DGKB: variants seen among roughly 807,000 people sequenced by gnomAD.
The protein encoded by DGKB is diacylglycerol kinase beta.
A neutral mutation model predicts 114.3 loss-of-function variants in DGKB; 67 were observed. That is an observed-to-expected ratio of 0.59 (90% CI 0.48 to 0.72). The LOEUF (loss-of-function observed/expected upper bound fraction) is 0.72. Ranked by LOEUF, DGKB falls within the 30% of genes least tolerant of loss-of-function variation. The probability of loss-of-function intolerance (pLI) is 0.00; values close to 1 mark genes in which losing one functional copy is unlikely to be tolerated. For synonymous variants in DGKB, 398 were observed against 323.1 expected (o/e 1.23, Z -2.49); for missense variants, 907 against 975.2 (o/e 0.93, Z 0.93).
At chr7:14,423,272 T>C (rs1466783740) in intron 21 of DGKB, among the ~76,000 whole-genome samples, 1 of 152,072 alleles carries the variant, frequency 6.6e-6, no homozygotes, top group Non-Finnish European at 1.5e-5. Flanking sequence ...TTAAACTTAC[T>C]ACATACCTTG....
At chr7:14,170,201 G>GAAAGAAAGAAAGAAAT (rs1554272246) in intron 25 of DGKB, among the ~76,000 whole-genome samples, 3 of 142,676 alleles carry the variant, frequency 2.1e-5, no homozygotes, top group Non-Finnish European at 4.6e-5. Flanking sequence ...AAGAAAGAAA[G>GAAAGAAAGAAAGAAAT]AAATACATTA....
intron 20 of DGKB, among the ~76,000 whole-genome samples, chr7:14,499,680 G>A (rs1476725750): frequency 6.6e-6 from 1 of 151,762 alleles, no homozygotes; most frequent in African/African-American, 2.4e-5. Context: ...ATAATGAGCT[G>A]GTGGCAGAGC....
intron 4 of DGKB, among the ~76,000 whole-genome samples, chr7:14,752,990 G>A (rs144086671): frequency 6.6e-6 from 1 of 152,120 alleles, no homozygotes. Flanking sequence ...CTCTGAAATG[G>A]AGGCTAGTAA....
intron 23 of DGKB, among the ~76,000 whole-genome samples, chr7:14,323,496 A>G (rs1032012576): frequency 1.3e-5 from 2 of 152,196 alleles, no homozygotes; most frequent in Non-Finnish European, 2.9e-5. Flanking sequence ...ATGGGGTGAT[A>G]TTTTAGACAG....
chr7:14,718,775 A>C, intron 5 of DGKB, 90 bp from the exon 6 acceptor site: 1 of 960,582 alleles, frequency 1.0e-6, no homozygotes. Context: ...CACACAGGCT[A>C]CATAGAAATT....
At chr7:14,547,589 C>T (rs553083180) in intron 20 of DGKB, among the ~76,000 whole-genome samples, 1 of 152,202 alleles carries the variant, frequency 6.6e-6, no homozygotes, top group South Asian at 2.1e-4. Flanking sequence ...TGTTCTGACC[C>T]TGTTGCAGAT....
At chr7:14,419,510 G>A (rs1294423606) in intron 21 of DGKB, among the ~76,000 whole-genome samples, 2 of 151,774 alleles carry the variant, frequency 1.3e-5, no homozygotes, top group East Asian at 1.9e-4. Context: ...TATATTTGCT[G>A]TGTGGCAAAA....
At chr7:14,437,226 C>A (rs1408036880) in intron 21 of DGKB, among the ~76,000 whole-genome samples, 1 of 151,896 alleles carries the variant, frequency 6.6e-6, no homozygotes, top group Non-Finnish European at 1.5e-5. Context: ...ATATCAGTCC[C>A]AGAAAAAGTG....
chr7:14,419,662 T>C (rs886361840), intron 21 of DGKB, among the ~76,000 whole-genome samples: 5 of 151,454 alleles, frequency 3.3e-5, no homozygotes, highest in Non-Finnish European at 7.4e-5. Context: ...ACTGATAGTG[T>C]TCCAGGAAAG....
At chr7:14,738,357 G>A (rs1382479255) in intron 4 of DGKB, among the ~76,000 whole-genome samples, 1 of 152,190 alleles carries the variant, frequency 6.6e-6, no homozygotes, top group Non-Finnish European at 1.5e-5. Context: ...TCCATAATCA[G>A]TATTTTGTTT....
chr7:14,408,026 A>G (rs1824228939), intron 21 of DGKB, among the ~76,000 whole-genome samples: 1 of 152,254 alleles, frequency 6.6e-6, no homozygotes, highest in African/African-American at 2.4e-5. Flanking sequence ...GTGGGGGCAT[A>G]CTGATAATTA....
At chr7:14,294,234 G>C (rs1056886381) in intron 23 of DGKB, among the ~76,000 whole-genome samples, 1 of 152,144 alleles carries the variant, frequency 6.6e-6, no homozygotes. Context: ...GGCCCACCCA[G>C]ATATTCCAGG....
chr7:14,443,639 T>C (rs1389507858), intron 21 of DGKB, among the ~76,000 whole-genome samples: 1 of 152,100 alleles, frequency 6.6e-6, no homozygotes, highest in Admixed American at 6.6e-5. Flanking sequence ...CCTTGGAAGA[T>C]AATTTGTCCT....
intron 1 of DGKB, among the ~76,000 whole-genome samples, chr7:14,880,248 A>C (rs1181132579): frequency 6.6e-6 from 1 of 150,930 alleles, no homozygotes; most frequent in Non-Finnish European, 1.5e-5. Flanking sequence ...ATCACAAGCC[A>C]GGAGTTCAGG....
intron 23 of DGKB, among the ~76,000 whole-genome samples, chr7:14,324,623 TG>T (rs1158464961): frequency 6.6e-6 from 1 of 151,950 alleles, no homozygotes; most frequent in Non-Finnish European, 1.5e-5. Flanking sequence ...CATTACCAGG[TG>T]GCAAAAAAAC....
chr7:14,589,934 G>T (rs1225912420), intron 17 of DGKB, among the ~76,000 whole-genome samples: 1 of 140,658 alleles, frequency 7.1e-6, no homozygotes, highest in East Asian at 2.4e-4. Flanking sequence ...CCCATTTTAC[G>T]ATTTTTTGTG....
intron 12 of DGKB, among the ~76,000 whole-genome samples, chr7:14,679,595 C>T (rs551338723): frequency 1.7e-4 from 26 of 152,132 alleles, no homozygotes; most frequent in East Asian, 1.9e-4. Context: ...TCACGGAACC[C>T]GAATTTCAGA....
At chr7:14,941,558 T>G (rs779633192) in intron 1 of DGKB, among the ~76,000 whole-genome samples, 3 of 152,108 alleles carry the variant, frequency 2.0e-5, no homozygotes, top group Non-Finnish European at 4.4e-5. Flanking sequence ...CATATATAGT[T>G]ACTTGTGAAG....
chr7:14,452,950 G>A (rs914659919), intron 21 of DGKB, among the ~76,000 whole-genome samples: 1 of 151,988 alleles, frequency 6.6e-6, no homozygotes, highest in Non-Finnish European at 1.5e-5. Context: ...TTCTATAAAG[G>A]CTCCATTAAA....
Sources: gnomAD v4.1 joint callset for allele counts (sites outside exome capture counted in the v4.1 genomes callset) on GRCh38, gnomAD v4.1.1 for gene constraint, MANE v1.5 for transcripts, NCBI Gene and HGNC (gene_info 2026-07-23, HGNC 2026-07-21) for gene names.